Variants in MIB2 observed in about 807,000 individuals in gnomAD.
The protein encoded by MIB2 is MIB E3 ubiquitin protein ligase 2.
A neutral mutation model predicts 96.6 loss-of-function variants in MIB2; 78 were observed. The ratio of observed to expected loss-of-function variants is 0.81; its 90% CI spans 0.67 to 0.97. MIB2 has a LOEUF of 0.97. Among genes scored for constraint, MIB2 ranks in the 50% least tolerant of loss-of-function variants. The probability of loss-of-function intolerance (pLI) is 0.00; values close to 1 mark genes in which losing one functional copy is unlikely to be tolerated. For missense variants in MIB2, 1,543 were observed against 1,424.0 expected, an observed-to-expected ratio of 1.08 and a Z score of -1.35; for synonymous variants, 820 against 629.5, an observed-to-expected ratio of 1.30 and a Z score of -4.53.
rs1644987975 is a variant in MIB2, at chr1:1,628,130, A to G, written c.1792A>G (p.Ser598Gly). ...AAACATCGATGTTACCGCCACCAAC[A>G]GCCAGGGTTTCACCCTGCTGCACCA... ...VPNIDVTATN[S>G]QGFTLLHHAS... The change falls in exon 14 of 20, where the codon AGC (serine) becomes GGC (glycine). Residue 598 changes from serine to glycine, a missense_variant. Physicochemically the swap from Ser to Gly is moderately conservative, Grantham distance 56. Transcript: ENST00000355826. The G allele has an allele frequency of 1.2e-6, 2 of 1,613,400 alleles. No homozygotes were observed.
At position 1,625,256 on chromosome 1, in the gene MIB2, G is replaced by T; in HGVS notation, c.722-30G>T. ...GAAGTCCCAGAGGGGAGGGGCCGCTGCCTGAGGCCTGGTCTGCCACCCTCC... is the reference window on the plus strand; with the variant it reads ...GAAGTCCCAGAGGGGAGGGGCCGCTTCCTGAGGCCTGGTCTGCCACCCTCC... On this transcript the variant is annotated intron_variant, in intron 6 of 19. Coordinates refer to ENST00000355826, the MANE Select transcript of MIB2 (RefSeq NM_001170687.4). The surrounding 1 kb of genome is among the most constrained non-coding windows in gnomAD (Gnocchi z 5.0). 1 of 1,596,574 alleles carries T rather than the reference G, an allele frequency of 6.3e-7. No individual in the cohort carries two copies. The highest frequency in any genetic ancestry group is 8.5e-7 in the Non-Finnish European group (1 of 1,173,426).
upstream of MIB2, chr1:1,614,620 C>T (rs750365971): frequency 6.6e-6 from 1 of 152,292 alleles, no homozygotes; most frequent in Non-Finnish European, 1.5e-5. Context: ...GGTTTCCTTT[C>T]AGGTTGACAG....
intron 2 of MIB2, chr1:1,623,131 G>T (rs901555072): frequency 2.0e-6 from 1 of 503,754 alleles, no homozygotes; most frequent in Middle Eastern, 5.1e-4. Flanking sequence ...TCTTCCGAGA[G>T]CGTTATTTGT....
At chr1:1,614,167 G>A (rs1284610190), upstream of MIB2, 2 of 152,258 alleles carry the variant, frequency 1.3e-5, no homozygotes, top group African/African-American at 4.8e-5. Flanking sequence ...CACGACAGCT[G>A]TGAAAGTTGC....
chr1:1,629,215 A>C lies in MIB2; in HGVS notation c.2285A>C (p.Asp762Ala). The C allele has an allele frequency of 2.6e-6, 4 of 1,535,302 alleles. No homozygotes were observed. The highest frequency in any genetic ancestry group is 3.5e-6 in the Non-Finnish European group (4 of 1,150,914). ...VACFLALEGA[D>A]VSYTNHRGRS... is the part of the protein sequence containing the mutation. The stretch of plus-strand genomic sequence containing the variant: ...TGCTTCCTGGCGCTGGAGGGCGCCG[A>C]CGTGAGCTACACCAACCACCGCGGT... Residue 762 changes from aspartate to alanine, a missense_variant, in exon 17 of 20, where the codon GAC becomes GCC. Physicochemically the swap from Asp to Ala is moderately radical, Grantham distance 126 (BLOSUM62 -2). Transcript: ENST00000355826.
At chr1:1,616,140 C>G in intron 1 of MIB2, 1 of 975,990 alleles carries the variant, frequency 1.0e-6, no homozygotes, top group Non-Finnish European at 1.2e-6. Context: ...GCGGACAGGG[C>G]CGGGCGGCCT....
At chr1:1,616,759 C>T (rs1004142119) in intron 2 of MIB2, 145 bp downstream of exon 2, 38 of 639,774 alleles carry the variant, frequency 5.9e-5, no homozygotes, top group Non-Finnish European at 1.9e-5. Flanking sequence ...CGCGTCTCCT[C>T]TCTGAGTTCG....
rs942224737 is a variant in MIB2, at chr1:1,628,484, C to G, written c.1969-5C>G. The G allele has an allele frequency of 1.3e-6, 2 of 1,596,508 alleles. No homozygotes were observed. Among genetic ancestry groups the G allele is most frequent in the Non-Finnish European group, 1.7e-6 (2 of 1,175,378 alleles). On this transcript the variant is annotated splice_region_variant and splice_polypyrimidine_tract_variant and intron_variant, in intron 15 of 19. Coordinates refer to ENST00000355826, the MANE Select transcript of MIB2 (RefSeq NM_001170687.4). ...TGGGCTGAGCCCGTCCCCACCCCTCCCCAGGGCCGCTGTGACGTGAACGTG... is the reference window on the plus strand; with the variant it reads ...TGGGCTGAGCCCGTCCCCACCCCTCGCCAGGGCCGCTGTGACGTGAACGTG...
At chr1:1,616,167 C>A in intron 1 of MIB2, 1 of 923,952 alleles carries the variant, frequency 1.1e-6, no homozygotes, top group Non-Finnish European at 1.3e-6. Context: ...GCCACGGGCA[C>A]GAATGACAGG....
Position 1,616,560 on chromosome 1 carries a change from G to C in MIB2, c.-77G>C. 1.9e-6 allele frequency: 3 copies of C among 1,604,216 alleles called. No individual in the cohort carries two copies. Among genetic ancestry groups the C allele is most frequent in the Non-Finnish European group, 2.6e-6 (3 of 1,175,948 alleles). On this transcript the variant is annotated 5_prime_UTR_variant, in exon 2 of 20. Transcript: ENST00000355826. ...CAGTCCCAAAGTTTCCAGGCATCAG[G>C]GCTGCAGCCCAGGAGCCTCAAGGCG...
chr1:1,620,073 G>C (rs1301710730), intron 2 of MIB2, among the ~76,000 whole-genome samples: 1 of 152,234 alleles, frequency 6.6e-6, no homozygotes, highest in Non-Finnish European at 1.5e-5. Context: ...CGACATCTCT[G>C]CCCTCTGCCC....
rs746794247 is a variant in MIB2 at position 1,627,633 on chromosome 1, G to A, written c.1524-40G>A. On this transcript the variant is annotated intron_variant, in intron 12 of 19. Transcript: ENST00000355826. ...GGCTGAGCCTGTGCGTCCAGCCACC[G>A]GGCCCGGCGCCCTCCCTCTCCCACT... 4.7e-5 allele frequency: 73 copies of A among 1,566,244 alleles called. No homozygotes were observed. The Admixed American group carries it at 4.9e-4, about 10-fold the overall frequency.
intron 2 of MIB2, among the ~76,000 whole-genome samples, chr1:1,622,360 G>A (rs973599088): frequency 1.3e-5 from 2 of 152,094 alleles, no homozygotes; most frequent in African/African-American, 4.8e-5. Flanking sequence ...CATTCTTCTT[G>A]TTAACGAGAC....
At chr1:1,624,345 C>T in intron 4 of MIB2, 1 of 378,252 alleles carries the variant, frequency 2.6e-6, no homozygotes, top group South Asian at 2.7e-5. Context: ...TGTCTCTGGC[C>T]CTCCCTGCAC....
At chr1:1,617,772 C>G (rs1035284945) in intron 2 of MIB2, 4 of 152,234 alleles carry the variant, frequency 2.6e-5, no homozygotes, top group African/African-American at 9.6e-5. Flanking sequence ...TCTTCACACC[C>G]TGACTGCCTC....
chr1:1,630,547 C>T lies in MIB2; in HGVS notation c.*17C>T, dbSNP rs1344069009. 2.6e-6 allele frequency: 4 copies of T among 1,536,774 alleles called. No homozygotes were observed. The highest frequency in any genetic ancestry group is 2.4e-5 in the East Asian group (1 of 41,536). On this transcript the variant is annotated 3_prime_UTR_variant, in exon 20 of 20. Coordinates refer to ENST00000355826, the MANE Select transcript of MIB2 (RefSeq NM_001170687.4). ...TTCGTGTGAGCCGCGCCGTCCGCCG[C>T]GCCCGAGCTGCCTTCGCGTGCCCCC...
chr1:1,616,441 C>A, intron 1 of MIB2, 67 bp from the exon 2 acceptor site: 1 of 1,187,856 alleles, frequency 8.4e-7, no homozygotes, highest in Non-Finnish European at 1.2e-6. Flanking sequence ...GCCCCGGGGG[C>A]AGACAGGCGA....
chr1:1,625,982 TATGGGGGCCG>T lies in MIB2; in HGVS notation c.972+337_972+346del. 2.9e-6 allele frequency: 1 copy of T among 339,102 alleles called. No individual in the cohort carries two copies. Among genetic ancestry groups the T allele is most frequent in the South Asian group, 4.3e-5 (1 of 23,094 alleles). The allele number at this position is 339,102 out of a possible 1,614,324, so 21.0% of individuals were successfully genotyped here. On this transcript the variant is annotated intron_variant, in intron 8 of 19. Coordinates refer to ENST00000355826, the MANE Select transcript of MIB2 (RefSeq NM_001170687.4). The surrounding 1 kb of genome is among the most constrained non-coding windows in gnomAD (Gnocchi z 5.0). ...GCTAAGATGCTCCTGGTTAGTGCTG[TATGGGGGCCG>T]ATGGGGGTGGCTGGTTAGGACAGGG...
chr1:1,625,483 C>T lies in MIB2; in HGVS notation c.864+55C>T. 1 of 1,553,240 alleles carries T rather than the reference C, an allele frequency of 6.4e-7. No homozygotes were observed. Among genetic ancestry groups the T allele is most frequent in the Non-Finnish European group, 8.7e-7 (1 of 1,147,320 alleles). Reference sequence around the variant, plus strand: ...GCCCTGCCCTCCCAGCCCTCCGCCCCCTCAGCCCCTTCCTCCCCAAGCGTC... The same window carrying T: ...GCCCTGCCCTCCCAGCCCTCCGCCCTCTCAGCCCCTTCCTCCCCAAGCGTC... On this transcript the variant is annotated intron_variant, in intron 7 of 19. Coordinates refer to ENST00000355826, the MANE Select transcript of MIB2 (RefSeq NM_001170687.4). The surrounding 1 kb of genome is among the most constrained non-coding windows in gnomAD (Gnocchi z 5.0).
Sources: allele counts gnomAD v4.1 joint callset (sites outside exome capture counted in the v4.1 genomes callset), GRCh38; gene constraint gnomAD v4.1.1; non-coding constraint Gnocchi (gnomAD v3.1); transcripts MANE v1.5; gene names NCBI Gene and HGNC (gene_info 2026-07-23, HGNC 2026-07-21).